KRT14: variants seen among roughly 807,000 people sequenced by gnomAD.
KRT14 encodes the protein keratin, type I cytoskeletal 14.
In KRT14, 30 loss-of-function variants were observed where a neutral mutation model predicts 44.5. The observed-to-expected ratio is 0.67, with a 90% CI of 0.50 to 0.92. KRT14 has a LOEUF of 0.92. Among genes scored for constraint, KRT14 ranks in the 40% least tolerant of loss-of-function variants. The pLI, the probability that KRT14 is intolerant of heterozygous loss-of-function variation, is 0.00. For missense variants in KRT14, 535 were observed against 640.6 expected (o/e 0.84, Z 1.78); for synonymous variants, 241 against 257.6 (o/e 0.94, Z 0.62).
chr17:41,584,981 CG>C lies in KRT14; in HGVS notation c.601del (p.Arg201AlafsTer8). 6.2e-7 allele frequency: 1 copy of C among 1,612,800 alleles called. No homozygotes were observed. The highest frequency in any genetic ancestry group is 1.3e-5 in the African/African-American group (1 of 74,996). The stretch of plus-strand genomic sequence containing the variant: ...CCCACCATTTCAAACTCACTTGGTG[CG>C]GAAGTCATCCGCGGCCAGACGGGCA... ...DNARLAADDFRTKYETELNLR... is the reference protein window; with the variant it reads ...DNARLAADDFXTKYETELNLR... On this transcript the variant is annotated frameshift_variant, in exon 2 of 8. Transcript: ENST00000167586. LOFTEE classifies it high-confidence loss of function.
Position 41,584,421 on chromosome 17 carries a change from G to T in KRT14, c.609-8C>A. ...TTCAACTCTGTCTCATACCTGGAAT[G>T]ACCCCAGAGAAAAGGTATGAGACAC... is the stretch of plus-strand genomic sequence containing the variant. On this transcript the variant is annotated splice_polypyrimidine_tract_variant and splice_region_variant and intron_variant, in intron 2 of 7. Coordinates refer to ENST00000167586, the MANE Select transcript of KRT14 (RefSeq NM_000526.5). The T allele has an allele frequency of 6.2e-7, 1 of 1,613,836 alleles. No individual in the cohort carries two copies. Among genetic ancestry groups the T allele is most frequent in the Middle Eastern group, 1.7e-4 (1 of 5,992 alleles).
At position 41,583,110 on chromosome 17, in the gene KRT14, CGATCCAGAGGA is replaced by C. The variant is rs764269543; in HGVS notation, c.1294_1304del (p.Ser432AlafsTer47). 6.2e-7 allele frequency: 1 copy of C among 1,612,592 alleles called. No individual in the cohort carries two copies. Among genetic ancestry groups the C allele is most frequent in the South Asian group, 1.1e-5 (1 of 91,026 alleles). On this transcript the variant is annotated frameshift_variant, in exon 7 of 8. Coordinates refer to ENST00000167586, the MANE Select transcript of KRT14 (RefSeq NM_000526.5). LOFTEE classifies it high-confidence loss of function. Reference sequence around the variant, plus strand: ...GGGTCTTACCATCTCTGGATGACTGCGATCCAGAGGAGAACTGGGAGGAGGAGAGGCTGTGA... The same window carrying C: ...GGGTCTTACCATCTCTGGATGACTGCGAACTGGGAGGAGGAGAGGCTGTGA...
intron 7 of KRT14, 122 bp downstream of exon 7, chr17:41,582,972 A>G (rs1907381108): frequency 4.1e-6 from 4 of 982,326 alleles, no homozygotes; most frequent in Non-Finnish European, 6.4e-6. Flanking sequence ...GGAGGTTCAC[A>G]AGGGAAACTG....
At position 41,583,533 on chromosome 17, in the gene KRT14, T is replaced by G; in HGVS notation, c.1053+18A>C. On this transcript the variant is annotated intron_variant, in intron 5 of 7. Transcript: ENST00000167586. ...CTGCCAGTCCTGGGTGCACCACCCT[T>G]CCTGGCACTATTCCTACCATGCTGA... The G allele has an allele frequency of 6.2e-7, 1 of 1,614,200 alleles. No individual in the cohort carries two copies.
In KRT14 at chr17:41,585,029, T is replaced by C; in HGVS notation, c.554A>G (p.Asn185Ser). 6.2e-7 allele frequency: 1 copy of C among 1,614,000 alleles called. No homozygotes were observed. Among genetic ancestry groups the C allele is most frequent in the Non-Finnish European group, 8.5e-7 (1 of 1,179,818 alleles). Residue 185 changes from asparagine to serine, a missense_variant, in exon 2 of 8, where the codon AAT becomes AGT. Asn to Ser is a conservative substitution (Grantham distance 46, BLOSUM62 1). Coordinates refer to ENST00000167586, the MANE Select transcript of KRT14 (RefSeq NM_000526.5). Reference sequence around the variant, plus strand: ...GGCATTGTCAATCTGCAGAAGGACATTGGCATTGTCCACTGTGGCTGTGAG... The same window carrying C: ...GGCATTGTCAATCTGCAGAAGGACACTGGCATTGTCCACTGTGGCTGTGAG... ...KILTATVDNANVLLQIDNARL... is the reference protein window; with the variant it reads ...KILTATVDNASVLLQIDNARL...
At chr17:41,584,023 C>CGA (rs1466181331) in intron 3 of KRT14, 102 bp from the exon 4 acceptor site, 1 of 1,184,424 alleles carries the variant, frequency 8.4e-7, no homozygotes, top group African/African-American at 1.5e-5. Context: ...AATTCTATCT[C>CGA]GACTCTCCCT....
At chr17:41,583,962 T>A in intron 3 of KRT14, 41 bp from the exon 4 acceptor site, 1 of 1,610,950 alleles carries the variant, frequency 6.2e-7, no homozygotes, top group Non-Finnish European at 8.5e-7. Context: ...AGTTCCACCA[T>A]GGCAGCGGAT....
chr17:41,584,737 C>G (rs1163524957), intron 2 of KRT14, among the ~76,000 whole-genome samples: 2 of 152,210 alleles, frequency 1.3e-5, no homozygotes, highest in Non-Finnish European at 2.9e-5. Flanking sequence ...GAAAGTGCCT[C>G]TCCCTAAAGC....
chr17:41,582,995 A>T, intron 7 of KRT14, 99 bp downstream of exon 7: 2 of 1,157,360 alleles, frequency 1.7e-6, no homozygotes, highest in Non-Finnish European at 2.6e-6. Flanking sequence ...TGACAGCACT[A>T]GAGCTCAGCC....
Position 41,586,357 on chromosome 17 carries a change from T to C in KRT14, c.478A>G (p.Lys160Glu). ...GTCTTGAAGTAGGGACTGTAGTCTT[T>C]GATCTCAGCAGGCCGCTGCCTCTGG... Reference protein sequence around the residue: ...WYQRQRPAEIKDYSPYFKTIE... With the variant: ...WYQRQRPAEIEDYSPYFKTIE... Residue 160 changes from lysine to glutamate, a missense_variant, in exon 1 of 8, where the codon AAA becomes GAA. By Grantham distance (56) the Lys-to-Glu change is moderately conservative. Transcript: ENST00000167586. 1 of 1,613,080 alleles carries C rather than the reference T, an allele frequency of 6.2e-7. No individual in the cohort carries two copies.
rs201401459 is a variant in KRT14, at chr17:41,583,223, G to C, written c.1274+12C>G. 6.2e-6 allele frequency: 10 copies of C among 1,613,246 alleles called. No individual in the cohort carries two copies. Among genetic ancestry groups the C allele is most frequent in the Non-Finnish European group, 8.5e-6 (10 of 1,179,880 alleles). The stretch of plus-strand genomic sequence containing the variant: ...ATGGGGGGGGCGGACTAAGGGGAGG[G>C]CCAAGACTCACTGGGCGTCCTCGCC... On this transcript the variant is annotated intron_variant, in intron 6 of 7. Transcript: ENST00000167586.
At position 41,586,775 on chromosome 17, in the gene KRT14, G is replaced by C; in HGVS notation, c.60C>G (p.Ile20Met). ...SSSSMKGSCG[I>M]GGGIGGGSSR... is the part of the protein sequence containing the mutation. ...TGGAGCCGCCCCCGATGCCGCCCCC[G>C]ATGCCGCAGGAGCCCTTCATGGAGC... Residue 20 changes from isoleucine (I) to methionine (M), a missense_variant, in exon 1 of 8, where the codon ATC becomes ATG. Coordinates refer to ENST00000167586, the MANE Select transcript of KRT14 (RefSeq NM_000526.5). 1 of 1,585,556 alleles carries C rather than the reference G, an allele frequency of 6.3e-7. No homozygotes were observed. The highest frequency in any genetic ancestry group is 1.3e-5 in the African/African-American group (1 of 74,314).
chr17:41,585,699 AG>A (rs1016627180), intron 1 of KRT14, among the ~76,000 whole-genome samples: 1 of 152,258 alleles, frequency 6.6e-6, no homozygotes, highest in Non-Finnish European at 1.5e-5. Flanking sequence ...ATGTGGGAGC[AG>A]GGAGGAGGGG....
rs1421259255 is a variant in KRT14 at position 41,583,709 on chromosome 17, G to T, written c.928-33C>A. The T allele has an allele frequency of 1.4e-5, 23 of 1,614,138 alleles. No individual in the cohort carries two copies. In the East Asian group the frequency reaches 4.9e-4, roughly 34 times the overall value. On this transcript the variant is annotated intron_variant, in intron 4 of 7. Coordinates refer to ENST00000167586, the MANE Select transcript of KRT14 (RefSeq NM_000526.5). The stretch of plus-strand genomic sequence containing the variant: ...AAAGAGAATGCCATTCACACCAGAA[G>T]GCCCCAGAAGGCAGGTGGTCTGGGT...
At position 41,584,001 on chromosome 17, in the gene KRT14, TC is replaced by T; in HGVS notation, c.766-81del. 7 of 1,301,146 alleles carry T rather than the reference TC, an allele frequency of 5.4e-6. No homozygotes were observed. The South Asian group carries it at 8.2e-5, about 15-fold the overall frequency. The allele number at this position is 1,301,146 out of a possible 1,614,324, so 80.6% of individuals were successfully genotyped here. A position where few individuals can be genotyped will look rare whatever the true frequency, so the allele number is the denominator to read the frequency against. On this transcript the variant is annotated intron_variant, in intron 3 of 7. Coordinates refer to ENST00000167586, the MANE Select transcript of KRT14 (RefSeq NM_000526.5). ...TGTTCCTTAGGCCTGAATACTGCCC[TC>T]CCACCATCACAATTCTATCTCGACT...
At chr17:41,582,857 C>G in intron 7 of KRT14, 1 of 611,164 alleles carries the variant, frequency 1.6e-6, no homozygotes, top group Non-Finnish European at 2.9e-6. Context: ...ATGGTGCTGA[C>G]CACAACAGCA....
rs750261536 is a variant in KRT14 at position 41,586,620 on chromosome 17, C to T, written c.215G>A (p.Gly72Asp). The T allele has an allele frequency of 8.1e-6, 13 of 1,609,988 alleles. No homozygotes were observed. The East Asian group carries it at 2.7e-4, about 33-fold the overall frequency. ...AAAGCTGCTGCTGCTGCTGCTGAAG[C>T]CACCGCCATAGCCGCCCCCCAGCCC... The part of the protein sequence containing the change: ...ACGLGGGYGG[G>D]FSSSSSSFGS... The change falls in exon 1 of 8, where the codon GGC (glycine) becomes GAC (aspartate). Residue 72 changes from glycine (G) to aspartate (D), a missense_variant. Gly to Asp is a moderately conservative substitution (Grantham distance 94). Transcript: ENST00000167586.
chr17:41,584,113 C>T, intron 3 of KRT14, 144 bp downstream of exon 3: 3 of 600,206 alleles, frequency 5.0e-6, no homozygotes, highest in Non-Finnish European at 8.5e-6. Context: ...AGGGTCTAGC[C>T]TTGTTGCCCA....
At chr17:41,582,643 C>T in intron 7 of KRT14, 111 bp from the exon 8 acceptor site, 1 of 829,342 alleles carries the variant, frequency 1.2e-6, no homozygotes, top group Non-Finnish European at 2.0e-6. Context: ...CCATTGCCCT[C>T]TCCCCTGATT....
Sources: gnomAD v4.1 joint callset for allele counts (sites outside exome capture counted in the v4.1 genomes callset) on GRCh38, gnomAD v4.1.1 for gene constraint, MANE v1.5 for transcripts, NCBI Gene and HGNC (gene_info 2026-07-23, HGNC 2026-07-21) for gene names.